TRRAP: variants seen among roughly 807,000 people sequenced by gnomAD.
TRRAP encodes the protein transformation/transcription domain-associated protein.
TRRAP carries 41 observed loss-of-function variants against 438.8 expected under a neutral mutation model. The observed-to-expected ratio is 0.09, with a 90% CI of 0.07 to 0.12. TRRAP has a LOEUF of 0.12. Ranked by LOEUF, TRRAP falls within the 10% of genes least tolerant of loss-of-function variation. TRRAP has a pLI of 1.00. For missense variants in TRRAP, 3,122 were observed against 5,055.1 expected (o/e 0.62, Z 11.60); for synonymous variants, 1,994 against 1,962.9 (o/e 1.02, Z -0.42).
chr7:99,000,133 G>C (rs219830), intron 67 of TRRAP, among the ~76,000 whole-genome samples: 22,748 of 152,008 alleles, frequency 0.15, 5,362 homozygotes, highest in African/African-American at 0.5. Flanking sequence ...TCAGCCTCCC[G>C]AGTAGCTGGG....
chr7:98,933,851 G>A (rs1224704760), intron 27 of TRRAP, among the ~76,000 whole-genome samples: 1 of 152,230 alleles, frequency 6.6e-6, no homozygotes, highest in African/African-American at 2.4e-5. Context: ...TGTAGGGGTT[G>A]AGCTGTTTGT....
chr7:98,943,233 C>T (rs1790885434), intron 31 of TRRAP, among the ~76,000 whole-genome samples: 1 of 152,094 alleles, frequency 6.6e-6, no homozygotes, highest in South Asian at 2.1e-4. Context: ...TAAAATCTCC[C>T]CTTTGGTTCA....
At chr7:98,944,997 G>A (rs1213531690) in intron 31 of TRRAP, among the ~76,000 whole-genome samples, 1 of 152,084 alleles carries the variant, frequency 6.6e-6, no homozygotes, top group Non-Finnish European at 1.5e-5. Context: ...TAGAGATGGG[G>A]TTTCACTTTG....
chr7:98,994,455 T>C lies in TRRAP; in HGVS notation c.10048-132T>C. The C allele has an allele frequency of 7.7e-7, 1 of 1,304,354 alleles. No homozygotes were observed. The highest frequency in any genetic ancestry group is 1.1e-6 in the Non-Finnish European group (1 of 939,442). The allele number at this position is 1,304,354 out of a possible 1,614,324, so 80.8% of individuals were successfully genotyped here. ...TTGCACACGCCGATTTCATGCCTGC[T>C]GTGTGTGGGTCCTGCCGGGGAGTGC... On this transcript the variant is annotated intron_variant, in intron 66 of 72. Coordinates refer to ENST00000456197, the MANE Select transcript of TRRAP (RefSeq NM_001375524.1). The surrounding 1 kb of genome is among the most constrained non-coding windows in gnomAD (Gnocchi z 4.8).
intron 52 of TRRAP, among the ~76,000 whole-genome samples, chr7:98,970,786 C>T (rs1562965665): frequency 1.3e-5 from 2 of 152,190 alleles, no homozygotes; most frequent in Admixed American, 1.3e-4. Context: ...GCCTGCCACA[C>T]AGGGGCTGGG....
chr7:98,948,403 C>T lies in TRRAP; in HGVS notation c.4668+63C>T. ...CCCTCCGGTGCTTATAGCGTCCTCACTTGATCGTATTTTCAATGGACGGAA... is the reference window on the plus strand; with the variant it reads ...CCCTCCGGTGCTTATAGCGTCCTCATTTGATCGTATTTTCAATGGACGGAA... On this transcript the variant is annotated intron_variant, in intron 34 of 72. Coordinates refer to ENST00000456197, the MANE Select transcript of TRRAP (RefSeq NM_001375524.1). The surrounding 1 kb of genome is among the most constrained non-coding windows in gnomAD (Gnocchi z 4.9). 1.9e-6 allele frequency: 3 copies of T among 1,611,570 alleles called. No homozygotes were observed. Among genetic ancestry groups the T allele is most frequent in the Non-Finnish European group, 2.5e-6 (3 of 1,178,534 alleles).
chr7:98,940,490 T>C (rs1259009541), intron 30 of TRRAP, among the ~76,000 whole-genome samples: 1 of 152,250 alleles, frequency 6.6e-6, no homozygotes, highest in East Asian at 1.9e-4. Flanking sequence ...TCAGACCTGC[T>C]GTGAGCTGGG....
In TRRAP at chr7:98,962,431, AGT is replaced by A. The variant is rs1484253094; in HGVS notation, c.6829+11_6829+12del. On this transcript the variant is annotated splice_donor_5th_base_variant and intron_variant, in intron 47 of 72. Coordinates refer to ENST00000456197, the MANE Select transcript of TRRAP (RefSeq NM_001375524.1). Reference sequence around the variant, plus strand: ...GCCAATCCCTCCCAGCTCTTCGGTGAGTGTGTGTCTGTCCTGGTGTTCGTGGT... The same window carrying A: ...GCCAATCCCTCCCAGCTCTTCGGTGAGTGTGTCTGTCCTGGTGTTCGTGGT... The A allele has an allele frequency of 6.2e-7, 1 of 1,614,078 alleles. No homozygotes were observed. Among genetic ancestry groups the A allele is most frequent in the Non-Finnish European group, 8.5e-7 (1 of 1,179,994 alleles).
chr7:98,892,367 A>G (rs1796015468), intron 4 of TRRAP, 57 bp from the exon 5 acceptor site: 1 of 1,415,142 alleles, frequency 7.1e-7, no homozygotes, highest in East Asian at 2.3e-5. Context: ...TGAGATAATT[A>G]ATTTGGAACC....
chr7:99,004,709 G>A (rs1463175950), intron 68 of TRRAP, among the ~76,000 whole-genome samples: 1 of 152,208 alleles, frequency 6.6e-6, no homozygotes, highest in Non-Finnish European at 1.5e-5. Context: ...TCGAAGCACA[G>A]TATTGAGGCA....
chr7:98,960,215 A>G (rs1387283042), intron 45 of TRRAP, among the ~76,000 whole-genome samples: 1 of 152,236 alleles, frequency 6.6e-6, no homozygotes, highest in Non-Finnish European at 1.5e-5. Context: ...TTAGGTAACA[A>G]GGAGCTAGTC....
intron 51 of TRRAP, among the ~76,000 whole-genome samples, chr7:98,969,623 G>A (rs34965967): frequency 6.6e-6 from 1 of 152,292 alleles, no homozygotes; most frequent in Admixed American, 6.5e-5. Flanking sequence ...CTGTGGGGAA[G>A]AACGGTGTGG....
At chr7:98,989,756 C>T (rs951301839) in intron 63 of TRRAP, among the ~76,000 whole-genome samples, 3 of 152,204 alleles carry the variant, frequency 2.0e-5, no homozygotes, top group African/African-American at 7.2e-5. Context: ...CTGTGGCCTA[C>T]CTGTTGCCGG....
At chr7:98,879,196 A>G (rs1795307194) in intron 1 of TRRAP, among the ~76,000 whole-genome samples, 1 of 152,076 alleles carries the variant, frequency 6.6e-6, no homozygotes. Flanking sequence ...GCCCGGCGCC[A>G]GCCCGGCCTG....
At chr7:98,938,208 G>T (rs782555385) in intron 30 of TRRAP, among the ~76,000 whole-genome samples, 22 of 152,094 alleles carry the variant, frequency 1.4e-4, no homozygotes, top group Non-Finnish European at 2.9e-4. Flanking sequence ...AGTGGCACGT[G>T]CCTGTGGTCC....
intron 33 of TRRAP, among the ~76,000 whole-genome samples, chr7:98,946,623 GCACA>G (rs1322784719): frequency 2.0e-5 from 3 of 148,316 alleles, no homozygotes; most frequent in African/African-American, 7.5e-5. Flanking sequence ...CACCACACAT[GCACA>G]CACACCACAA....
chr7:98,994,902 C>T lies in TRRAP; in HGVS notation c.10309+54C>T. The T allele has an allele frequency of 6.3e-7, 1 of 1,590,332 alleles. No homozygotes were observed. Among genetic ancestry groups the T allele is most frequent in the South Asian group, 1.1e-5 (1 of 88,290 alleles). On this transcript the variant is annotated intron_variant, in intron 67 of 72. Transcript: ENST00000456197. The surrounding 1 kb of genome is among the most constrained non-coding windows in gnomAD (Gnocchi z 4.8). Reference sequence around the variant, plus strand: ...AGGGAGAATTGTGCACGCTGATTTCCTCCGGCTTTAGTGTTGAAGCTGATT... The same window carrying T: ...AGGGAGAATTGTGCACGCTGATTTCTTCCGGCTTTAGTGTTGAAGCTGATT...
intron 63 of TRRAP, among the ~76,000 whole-genome samples, chr7:98,989,577 G>T (rs182673201): frequency 1.4e-4 from 21 of 152,336 alleles, no homozygotes; most frequent in Admixed American, 1.4e-3. Context: ...TAAAGGTTTG[G>T]ATTTTTTAGA....
chr7:98,999,161 C>T (rs1426827781), intron 67 of TRRAP: 28 of 1,579,172 alleles, frequency 1.8e-5, no homozygotes, highest in Admixed American at 3.4e-5. Context: ...TGAACCTGGC[C>T]ATCTCTGATC....
Sources: allele counts gnomAD v4.1 joint callset (sites outside exome capture counted in the v4.1 genomes callset), GRCh38; gene constraint gnomAD v4.1.1; non-coding constraint Gnocchi (gnomAD v3.1); transcripts MANE v1.5; gene names NCBI Gene and HGNC (gene_info 2026-07-23, HGNC 2026-07-21).